The following GALNT14 variants were observed in gnomAD, a reference collection of about 807,000 sequenced individuals.
The protein encoded by GALNT14 is UDP-GalNAc:polypeptide N-acetylgalactosaminyltransferase 14.
In GALNT14, 60 loss-of-function variants were observed where a neutral mutation model predicts 77.5. The observed-to-expected ratio is 0.77, with a 90% confidence interval of 0.63 to 0.96. GALNT14 has a LOEUF of 0.96. GALNT14 is among the 40% of genes least tolerant of loss of function. The probability of loss-of-function intolerance (pLI) is 0.00; values close to 1 mark genes in which losing one functional copy is unlikely to be tolerated. For synonymous variants in GALNT14, 280 were observed against 281.7 expected, an observed-to-expected ratio of 0.99 and a Z score of 0.06; for missense variants, 710 against 731.0, an observed-to-expected ratio of 0.97 and a Z score of 0.33.
chr2:30,925,734 C>T (rs1665331252), intron 11 of GALNT14, among the ~76,000 whole-genome samples: 1 of 152,108 alleles, frequency 6.6e-6, no homozygotes, highest in Non-Finnish European at 1.5e-5. Flanking sequence ...GAGGCACTGC[C>T]AAGGAGTTTG....
intron 6 of GALNT14, among the ~76,000 whole-genome samples, chr2:30,950,515 A>G (rs1184912823): frequency 1.3e-5 from 2 of 152,204 alleles, no homozygotes; most frequent in African/African-American, 4.8e-5. Context: ...CTGAGACAAG[A>G]CACATACAAA....
At chr2:31,104,087 T>G (rs1470599748) in intron 1 of GALNT14, among the ~76,000 whole-genome samples, 1 of 152,182 alleles carries the variant, frequency 6.6e-6, no homozygotes, top group Non-Finnish European at 1.5e-5. Flanking sequence ...TGGAAGTTGC[T>G]GCAGAAAAAA....
At chr2:31,046,559 T>C (rs996536107) in intron 1 of GALNT14, among the ~76,000 whole-genome samples, 1 of 152,130 alleles carries the variant, frequency 6.6e-6, no homozygotes, top group Non-Finnish European at 1.5e-5. Context: ...ACTACACATA[T>C]ATACATCCAG....
At chr2:30,977,738 C>T (rs1668724397) in intron 2 of GALNT14, among the ~76,000 whole-genome samples, 1 of 152,134 alleles carries the variant, frequency 6.6e-6, no homozygotes, top group Non-Finnish European at 1.5e-5. Flanking sequence ...GGACTCACAT[C>T]CGTGCGCCAT....
the GALNT14 span, among the ~76,000 whole-genome samples, chr2:30,904,698 C>T: frequency 1.5e-4 from 23 of 152,358 alleles, no homozygotes; most frequent in South Asian, 6.2e-4. Context: ...TCGAACTGGG[C>T]GGAGCCCACC....
chr2:31,053,904 T>C (rs1674052977), intron 1 of GALNT14, among the ~76,000 whole-genome samples: 1 of 152,246 alleles, frequency 6.6e-6, no homozygotes, highest in Admixed American at 6.5e-5. Context: ...TGGGCTTCTC[T>C]TACCAGATCT....
chr2:31,001,893 C>CA (rs1272877933), intron 1 of GALNT14, among the ~76,000 whole-genome samples: 2 of 151,926 alleles, frequency 1.3e-5, no homozygotes, highest in African/African-American at 2.4e-5. Flanking sequence ...GAACAAAAGA[C>CA]AAAAAATGGC....
At chr2:30,968,477 C>A (rs1012057598) in intron 2 of GALNT14, among the ~76,000 whole-genome samples, 2 of 152,204 alleles carry the variant, frequency 1.3e-5, no homozygotes, top group African/African-American at 4.8e-5. Context: ...TGGAGGGAAG[C>A]CAGCTGCCAT....
intron 1 of GALNT14, among the ~76,000 whole-genome samples, chr2:31,063,496 C>T (rs11688889): frequency 0.28 from 41,952 of 151,980 alleles, 6,115 homozygotes; most frequent in African/African-American, 0.37. Context: ...GGTAGTGTGA[C>T]GCCTCCAGCT....
chr2:30,940,768 C>G (rs763045413), intron 9 of GALNT14, among the ~76,000 whole-genome samples: 15 of 152,182 alleles, frequency 9.9e-5, no homozygotes, highest in Non-Finnish European at 1.6e-4. Context: ...GAGGCAGACC[C>G]AGCCTCGAAC....
chr2:30,956,379 G>A (rs2148320054), intron 4 of GALNT14, among the ~76,000 whole-genome samples: 1 of 152,142 alleles, frequency 6.6e-6, no homozygotes, highest in Admixed American at 6.5e-5. Flanking sequence ...ACACATAGTA[G>A]ATATATATAT....
chr2:31,136,071 AGAACCACCTAGG>A (rs1164376525), intron 1 of GALNT14, among the ~76,000 whole-genome samples: 1 of 152,210 alleles, frequency 6.6e-6, no homozygotes, highest in African/African-American at 2.4e-5. Flanking sequence ...CACAGGGAGC[AGAACCACCTAGG>A]GAAAAAGAAG....
chr2:31,048,260 T>C (rs575168575), intron 1 of GALNT14, among the ~76,000 whole-genome samples: 5 of 152,234 alleles, frequency 3.3e-5, no homozygotes, highest in Non-Finnish European at 7.3e-5. Context: ...AGGAAGCCCA[T>C]AGTGGCCTTT....
At chr2:31,099,434 T>G (rs1484993689) in intron 1 of GALNT14, among the ~76,000 whole-genome samples, 1 of 152,092 alleles carries the variant, frequency 6.6e-6, no homozygotes, top group Non-Finnish European at 1.5e-5. Context: ...TTTTATTTAC[T>G]CAGTTATATC....
At chr2:30,896,862 A>ATT in the GALNT14 span, among the ~76,000 whole-genome samples, 764 of 150,378 alleles carry the variant, frequency 5.1e-3, 4 homozygotes, top group African/African-American at 0.017. Flanking sequence ...GCCATTGTCT[A>ATT]TTTTTTTTGC....
At chr2:31,013,454 G>A (rs532674693) in intron 1 of GALNT14, among the ~76,000 whole-genome samples, 2 of 152,146 alleles carry the variant, frequency 1.3e-5, no homozygotes, top group African/African-American at 2.4e-5. Context: ...CCTACAGAAG[G>A]GGAAATGTTC....
chr2:30,948,858 A>G (rs1191134425), intron 6 of GALNT14, among the ~76,000 whole-genome samples: 1 of 152,184 alleles, frequency 6.6e-6, no homozygotes, highest in Non-Finnish European at 1.5e-5. Flanking sequence ...TTTCCCCAGT[A>G]TTTAAAACCT....
At chr2:31,115,127 G>A (rs971432121) in intron 1 of GALNT14, among the ~76,000 whole-genome samples, 2 of 152,018 alleles carry the variant, frequency 1.3e-5, no homozygotes, top group Non-Finnish European at 2.9e-5. Flanking sequence ...CCACATGTCT[G>A]TAGTCCTAAC....
chr2:31,085,640 A>G (rs1676390936), intron 1 of GALNT14, among the ~76,000 whole-genome samples: 1 of 151,944 alleles, frequency 6.6e-6, no homozygotes, highest in Non-Finnish European at 1.5e-5. Flanking sequence ...ATCTCCCTCC[A>G]CCCTCAGGGG....
Sources: allele counts gnomAD v4.1 joint callset (sites outside exome capture counted in the v4.1 genomes callset), GRCh38; gene constraint gnomAD v4.1.1; transcripts MANE v1.5; gene names NCBI Gene and HGNC (gene_info 2026-07-23, HGNC 2026-07-21).